GMDS: variants seen among roughly 807,000 people sequenced by gnomAD.
GMDS encodes GDP-mannose 4,6 dehydratase.
Under a neutral mutation model 49.9 loss-of-function variants are expected in GMDS, and 20 were observed. The ratio of observed to expected loss-of-function variants is 0.40; its 90% CI spans 0.28 to 0.58. The LOEUF (loss-of-function observed/expected upper bound fraction) is 0.58, where lower values mean the gene tolerates loss of function less well. GMDS is among the 20% of genes least tolerant of loss of function. GMDS has a pLI of 0.42. For synonymous variants in GMDS, 177 were observed against 178.6 expected (o/e 0.99, Z 0.07); for missense variants, 362 against 481.4 (o/e 0.75, Z 2.32).
chr6:2,229,059 C>G (rs190622385), intron 1 of GMDS, among the ~76,000 whole-genome samples: 3 of 152,034 alleles, frequency 2.0e-5, no homozygotes, highest in Non-Finnish European at 4.4e-5. Context: ...GGGGGTCTCC[C>G]GTGGCTCCAC....
At chr6:2,018,116 T>G (rs1768021466) in intron 4 of GMDS, among the ~76,000 whole-genome samples, 1 of 152,188 alleles carries the variant, frequency 6.6e-6, no homozygotes, top group Admixed American at 6.5e-5. Flanking sequence ...TCAGCTACAG[T>G]TCTGTATAAC....
At chr6:1,988,520 G>T (rs142671467) in intron 4 of GMDS, among the ~76,000 whole-genome samples, 1 of 152,128 alleles carries the variant, frequency 6.6e-6, no homozygotes, top group African/African-American at 2.4e-5. Context: ...TCCAATTTGG[G>T]CTCCCTATCC....
intron 7 of GMDS, among the ~76,000 whole-genome samples, chr6:1,888,134 A>ATTTTTT (rs56167840): frequency 7.1e-6 from 1 of 140,478 alleles, no homozygotes; most frequent in Non-Finnish European, 1.5e-5. Flanking sequence ...TATTATTATT[A>ATTTTTT]TTTTTTTTTT....
At chr6:1,733,686 G>A (rs1766906187) in intron 8 of GMDS, among the ~76,000 whole-genome samples, 1 of 152,114 alleles carries the variant, frequency 6.6e-6, no homozygotes, top group Non-Finnish European at 1.5e-5. Context: ...GCCTGGTGGT[G>A]TGCACCTATT....
intron 7 of GMDS, among the ~76,000 whole-genome samples, chr6:1,896,321 C>G (rs1760182584): frequency 6.6e-6 from 1 of 152,144 alleles, no homozygotes; most frequent in South Asian, 2.1e-4. Context: ...AAGCACTGAG[C>G]TAAGGCCTTT....
intron 9 of GMDS, among the ~76,000 whole-genome samples, chr6:1,696,203 T>G (rs1298968373): frequency 6.6e-6 from 1 of 152,208 alleles, no homozygotes; most frequent in Non-Finnish European, 1.5e-5. Flanking sequence ...ATGAGACCCT[T>G]TGACACTGAG....
intron 7 of GMDS, among the ~76,000 whole-genome samples, chr6:1,854,138 T>C (rs1310526448): frequency 6.6e-6 from 1 of 152,248 alleles, no homozygotes; most frequent in Non-Finnish European, 1.5e-5. Flanking sequence ...GAAATGCTTT[T>C]ATTCTGTAAA....
chr6:1,808,116 G>C (rs952286176), intron 7 of GMDS, among the ~76,000 whole-genome samples: 1 of 152,142 alleles, frequency 6.6e-6, no homozygotes, highest in African/African-American at 2.4e-5. Context: ...ATAACTTCTT[G>C]TCATGTATTT....
chr6:1,624,324 G>T, intron 10 of GMDS, 93 bp from the exon 11 acceptor site: 1 of 1,331,508 alleles, frequency 7.5e-7, no homozygotes, highest in Non-Finnish European at 1.1e-6. Context: ...AGGCCTCCGC[G>T]TCCCTCGTTC....
rs1777287401 is a variant in GMDS, at chr6:2,159,559, G to A, written c.103-34828C>T. Among the ~76,000 whole-genome samples, 3 of 138,500 alleles carry A rather than the reference G, an allele frequency of 2.2e-5. No individual in the cohort carries two copies. The South Asian group carries it at 6.9e-4, about 32-fold the overall frequency. The allele number at this position is 138,500 out of a possible 152,430, so 90.9% of individuals were successfully genotyped here. A position where few individuals can be genotyped will look rare whatever the true frequency, so the allele number is the denominator to read the frequency against. The stretch of plus-strand genomic sequence containing the variant: ...TTTGAGACAGAGTCTTGCTCTGCCG[G>A]CCAGGCTGGAGTGCAGTGGCATGAT... On this transcript the variant is annotated intron_variant, in intron 1 of 10. Transcript: ENST00000380815.
At chr6:2,066,316 C>A (rs1771587489) in intron 4 of GMDS, among the ~76,000 whole-genome samples, 1 of 145,264 alleles carries the variant, frequency 6.9e-6, no homozygotes. Flanking sequence ...CAAAATCATG[C>A]CAAAATGTAA....
chr6:1,801,484 T>C (rs2113659039), intron 7 of GMDS, among the ~76,000 whole-genome samples: 1 of 152,348 alleles, frequency 6.6e-6, no homozygotes, highest in South Asian at 2.1e-4. Context: ...GGTTTATAGC[T>C]GTATAAAGCT....
chr6:1,708,266 C>T (rs1010925522), intron 9 of GMDS, among the ~76,000 whole-genome samples: 12 of 152,216 alleles, frequency 7.9e-5, no homozygotes, highest in African/African-American at 2.9e-4. Context: ...AACTCGAAGG[C>T]TGTAACTTTC....
chr6:1,982,186 A>G (rs1354523228), intron 4 of GMDS, among the ~76,000 whole-genome samples: 1 of 152,084 alleles, frequency 6.6e-6, no homozygotes, highest in Non-Finnish European at 1.5e-5. Context: ...GGTGTCTGTA[A>G]TCCTAGCTAC....
chr6:1,661,485 G>A (rs1764072128), intron 9 of GMDS, among the ~76,000 whole-genome samples: 1 of 152,218 alleles, frequency 6.6e-6, no homozygotes, highest in African/African-American at 2.4e-5. Context: ...AACAGGTTAA[G>A]CGGCTTGCTT....
intron 4 of GMDS, among the ~76,000 whole-genome samples, chr6:2,042,342 G>A (rs1024695021): frequency 1.3e-5 from 2 of 152,066 alleles, no homozygotes; most frequent in African/African-American, 2.4e-5. Context: ...AATGCCCAAT[G>A]GCTGACCCAT....
intron 9 of GMDS, among the ~76,000 whole-genome samples, chr6:1,632,033 T>C (rs1006309233): frequency 6.6e-5 from 10 of 152,180 alleles, no homozygotes; most frequent in Admixed American, 5.9e-4. Context: ...CTATACTACA[T>C]GGTCACCTGG....
chr6:1,867,680 A>C (rs191125741), intron 7 of GMDS, among the ~76,000 whole-genome samples: 1 of 152,252 alleles, frequency 6.6e-6, no homozygotes, highest in Non-Finnish European at 1.5e-5. Context: ...GGGAGATATG[A>C]GAAAATTTCC....
At chr6:1,954,368 G>A (rs985701592) in intron 6 of GMDS, among the ~76,000 whole-genome samples, 10 of 152,192 alleles carry the variant, frequency 6.6e-5, no homozygotes, top group Non-Finnish European at 1.0e-4. Flanking sequence ...AGGCTGGAGC[G>A]GCTGTGGCCA....
Sources: allele counts gnomAD v4.1 joint callset (sites outside exome capture counted in the v4.1 genomes callset), GRCh38; gene constraint gnomAD v4.1.1; transcripts MANE v1.5; gene names NCBI Gene and HGNC (gene_info 2026-07-23, HGNC 2026-07-21).